SLFN12L: variants seen among roughly 807,000 people sequenced by gnomAD.
The protein encoded by SLFN12L is schlafen family member 12 like, also known as schlafen family member 12-like.
SLFN12L carries 34 observed loss-of-function variants against 34.8 expected under a neutral mutation model. The observed-to-expected ratio is 0.98, with a 90% CI of 0.74 to 1.30. The LOEUF (loss-of-function observed/expected upper bound fraction) is 1.30, where lower values mean the gene tolerates loss of function less well. SLFN12L is among the 50% of genes most tolerant of loss of function. The pLI is 0.00. For missense variants in SLFN12L, 703 were observed against 696.2 expected, an observed-to-expected ratio of 1.01 and a Z score of -0.11; for synonymous variants, 259 against 247.5, an observed-to-expected ratio of 1.05 and a Z score of -0.44.
At chr17:35,501,923 C>T (rs4427853) in intron 2 of SLFN12L, among the ~76,000 whole-genome samples, 1 of 151,656 alleles carries the variant, frequency 6.6e-6, no homozygotes, top group Non-Finnish European at 1.5e-5. Context: ...GCATAAGCGG[C>T]TGGCAGAGGC....
intron 2 of SLFN12L, among the ~76,000 whole-genome samples, chr17:35,488,333 A>C (rs1256186001): frequency 6.6e-6 from 1 of 152,238 alleles, no homozygotes; most frequent in African/African-American, 2.4e-5. Context: ...GGGGGAGAGC[A>C]GCTACTAATG....
intron 2 of SLFN12L, among the ~76,000 whole-genome samples, chr17:35,494,889 T>TTTATTTTA (rs1555542073): frequency 1.0e-4 from 15 of 146,930 alleles, no homozygotes; most frequent in Middle Eastern, 3.5e-3. Flanking sequence ...AATTTATTTA[T>TTTATTTTA]TTTATTTATT....
chr17:35,496,549 C>T (rs1299084821), intron 2 of SLFN12L, among the ~76,000 whole-genome samples: 1 of 151,374 alleles, frequency 6.6e-6, no homozygotes, highest in African/African-American at 2.4e-5. Context: ...CCCTTCCCTC[C>T]CCTCCCCTCA....
At chr17:35,526,449 T>C (rs2072336298) in intron 1 of SLFN12L, among the ~76,000 whole-genome samples, 1 of 152,168 alleles carries the variant, frequency 6.6e-6, no homozygotes, top group Non-Finnish European at 1.5e-5. Context: ...ATTGACCACA[T>C]AATTAGAAGT....
intron 1 of SLFN12L, among the ~76,000 whole-genome samples, chr17:35,530,409 GGAAGGAAGGAAGGA>G (rs2072383176): frequency 4.1e-4 from 5 of 12,286 alleles, no homozygotes; most frequent in East Asian, 9.1e-3. Flanking sequence ...AAGGAAGGAA[GGAAGGAAGGAAGGA>G]AGGAAGGGAA....
At position 35,479,804 on chromosome 17, in the gene SLFN12L, G is replaced by A. The variant is rs779170684; in HGVS notation, c.478C>T (p.Gln160Ter). 1 of 1,611,102 alleles carries A rather than the reference G, an allele frequency of 6.2e-7. No individual in the cohort carries two copies. The highest frequency in any genetic ancestry group is 8.5e-7 in the Non-Finnish European group (1 of 1,178,604). The change falls in exon 3 of 5, where the codon CAG becomes TAG. Residue 160 changes from glutamine (Q) to a stop codon, truncating the protein, a stop_gained. Coordinates refer to ENST00000628453, the MANE Select transcript of SLFN12L (RefSeq NM_001363830.2). LOFTEE classifies it high-confidence loss of function. ...KSWSLETSGP[Q>*]IATLSSSLYK... ...AAACTGGAGCTCAACGTGGCAATCT[G>A]CGGACCAGAGGTTTCCAAGCTCCAT... is the stretch of plus-strand genomic sequence containing the variant.
intron 2 of SLFN12L, chr17:35,487,671 C>T (rs978079281): frequency 3.6e-5 from 54 of 1,510,246 alleles, no homozygotes; most frequent in Non-Finnish European, 4.4e-5. Context: ...TCGTCTGTAC[C>T]TATTTGTATT....
chr17:35,478,434 T>TA (rs1359909740), intron 3 of SLFN12L: 1 of 266,336 alleles, frequency 3.8e-6, no homozygotes, highest in African/African-American at 2.3e-5. Context: ...AATGCATTGA[T>TA]AGCAATTTAA....
rs1034136070 is a variant in SLFN12L at position 35,468,376 on chromosome 17, A to T, written c.*6547T>A. Among the ~76,000 whole-genome samples, 1 of 152,198 alleles carries T rather than the reference A, an allele frequency of 6.6e-6. No homozygotes were observed. Among genetic ancestry groups the T allele is most frequent in the Admixed American group, 6.5e-5 (1 of 15,282 alleles). Reference sequence around the variant, plus strand: ...ATACTCAAGACCCATATCCTAGATGACATTTTCCTGGATAGGCACTCACTG... The same window carrying T: ...ATACTCAAGACCCATATCCTAGATGTCATTTTCCTGGATAGGCACTCACTG... On this transcript the variant is annotated 3_prime_UTR_variant, in exon 5 of 5. Transcript: ENST00000628453.
chr17:35,518,283 G>C (rs538677620), intron 2 of SLFN12L, among the ~76,000 whole-genome samples: 9 of 152,302 alleles, frequency 5.9e-5, no homozygotes, highest in African/African-American at 1.9e-4. Flanking sequence ...CAGGTGTGGT[G>C]GCCCACGCCT....
intron 2 of SLFN12L, among the ~76,000 whole-genome samples, chr17:35,519,851 C>T (rs1423964052): frequency 6.6e-6 from 1 of 152,136 alleles, no homozygotes; most frequent in Admixed American, 6.5e-5. Context: ...CAGACCCTCT[C>T]TTGGCCAAGG....
In SLFN12L at chr17:35,533,365, C is replaced by G. The variant is rs369010715; in HGVS notation, c.-606+4208G>C. ...TATTGGAAATCTATTATTTGCCTAGCACTGTGCTAAATCCAGAAAAGACAG... is the reference window on the plus strand; with the variant it reads ...TATTGGAAATCTATTATTTGCCTAGGACTGTGCTAAATCCAGAAAAGACAG... On this transcript the variant is annotated intron_variant, in intron 1 of 4. Coordinates refer to ENST00000628453, the MANE Select transcript of SLFN12L (RefSeq NM_001363830.2). Among the ~76,000 whole-genome samples, 3 of 152,304 alleles carry G rather than the reference C, an allele frequency of 2.0e-5. No homozygotes were observed. The East Asian group carries it at 5.8e-4, about 29-fold the overall frequency.
intron 2 of SLFN12L, among the ~76,000 whole-genome samples, chr17:35,494,801 G>T (rs1914979633): frequency 6.6e-6 from 1 of 152,146 alleles, no homozygotes; most frequent in Non-Finnish European, 1.5e-5. Flanking sequence ...GCAGGGCCAG[G>T]CAAAGGCAGA....
intron 1 of SLFN12L, among the ~76,000 whole-genome samples, chr17:35,530,117 C>CTTTTTTT (rs35836415): frequency 1.8e-5 from 2 of 109,476 alleles, no homozygotes; most frequent in Non-Finnish European, 1.9e-5. Flanking sequence ...ACTGCTTTGT[C>CTTTTTTT]TTTTTTTTTT....
At chr17:35,506,272 T>C (rs951670284) in intron 2 of SLFN12L, among the ~76,000 whole-genome samples, 1 of 152,192 alleles carries the variant, frequency 6.6e-6, no homozygotes, top group African/African-American at 2.4e-5. Context: ...GTGGTTCTCT[T>C]AATTAGGAAA....
intron 2 of SLFN12L, chr17:35,498,217 T>C (rs1915164825): frequency 2.1e-6 from 1 of 468,824 alleles, no homozygotes; most frequent in Non-Finnish European, 4.1e-6. Flanking sequence ...TGTTCAGTCA[T>C]GAAATGAGTG....
intron 2 of SLFN12L, among the ~76,000 whole-genome samples, chr17:35,489,030 A>T (rs1408177873): frequency 6.6e-6 from 1 of 152,168 alleles, no homozygotes; most frequent in Non-Finnish European, 1.5e-5. Flanking sequence ...AGATCCCGCC[A>T]CTGCACTCCA....
chr17:35,534,049 G>T (rs1438289604), intron 1 of SLFN12L, among the ~76,000 whole-genome samples: 2 of 149,736 alleles, frequency 1.3e-5, no homozygotes, highest in Non-Finnish European at 3.0e-5. Context: ...TCCAGGCTGG[G>T]CAACAGAAGG....
chr17:35,496,767 C>T (rs933375586), intron 2 of SLFN12L, among the ~76,000 whole-genome samples: 10 of 152,208 alleles, frequency 6.6e-5, no homozygotes, highest in African/African-American at 2.4e-4. Context: ...GCCTTCTCAG[C>T]CTTCTCTTTG....
Sources: allele counts gnomAD v4.1 joint callset (sites outside exome capture counted in the v4.1 genomes callset), GRCh38; gene constraint gnomAD v4.1.1; transcripts MANE v1.5; gene names NCBI Gene and HGNC (gene_info 2026-07-23, HGNC 2026-07-21).